Variants in CRACD observed in about 807,000 individuals in gnomAD.
CRACD encodes capping protein-inhibiting regulator of actin dynamics.
Under a neutral mutation model 106.8 loss-of-function variants are expected in CRACD, and 56 were observed. The observed-to-expected ratio is 0.52, with a 90% CI of 0.42 to 0.66. The LOEUF (loss-of-function observed/expected upper bound fraction) is 0.66, where lower values mean the gene tolerates loss of function less well. Among genes scored for constraint, CRACD ranks in the 30% least tolerant of loss-of-function variants. CRACD has a pLI of 0.00. For missense variants in CRACD, 1,730 were observed against 1,623.2 expected (o/e 1.07, Z -1.13); for synonymous variants, 754 against 670.8 (o/e 1.12, Z -1.92).
intron 1 of CRACD, among the ~76,000 whole-genome samples, chr4:56,116,482 T>C (rs1044194696): frequency 2.0e-5 from 3 of 152,192 alleles, no homozygotes; most frequent in African/African-American, 7.2e-5. Context: ...CCATGATGAT[T>C]ATATAGAACA....
intron 2 of CRACD, among the ~76,000 whole-genome samples, chr4:56,243,775 A>C (rs933502831): frequency 6.6e-6 from 1 of 152,220 alleles, no homozygotes; most frequent in Non-Finnish European, 1.5e-5. Context: ...AGTTACAAAC[A>C]ATCCAATTAC....
intron 2 of CRACD, among the ~76,000 whole-genome samples, chr4:56,237,017 G>A (rs771104750): frequency 2.6e-5 from 4 of 151,984 alleles, no homozygotes; most frequent in Non-Finnish European, 5.9e-5. Flanking sequence ...AATTCACACC[G>A]ACCCAGCAAT....
intron 1 of CRACD, among the ~76,000 whole-genome samples, chr4:56,082,873 A>G (rs1733083040): frequency 6.6e-6 from 1 of 152,180 alleles, no homozygotes; most frequent in South Asian, 2.1e-4. Context: ...TTGTTTCCAT[A>G]AGAAGGGCCC....
chr4:56,227,246 A>G (rs770194311), intron 2 of CRACD, among the ~76,000 whole-genome samples: 2 of 152,186 alleles, frequency 1.3e-5, no homozygotes, highest in Non-Finnish European at 2.9e-5. Flanking sequence ...ACTATTATAT[A>G]AAGAACTCAT....
intron 3 of CRACD, among the ~76,000 whole-genome samples, chr4:56,287,983 A>G (rs1247044677): frequency 6.6e-6 from 1 of 152,156 alleles, no homozygotes; most frequent in Admixed American, 6.5e-5. Context: ...CAAAGCCTCT[A>G]GTCTGTAGCT....
At chr4:56,083,029 A>G (rs1051419482) in intron 1 of CRACD, among the ~76,000 whole-genome samples, 1 of 152,182 alleles carries the variant, frequency 6.6e-6, no homozygotes, top group Non-Finnish European at 1.5e-5. Flanking sequence ...AATTAGAGAG[A>G]GAAGGGGCAA....
intron 2 of CRACD, among the ~76,000 whole-genome samples, chr4:56,208,191 C>T (rs1256152069): frequency 1.3e-5 from 2 of 151,950 alleles, no homozygotes; most frequent in African/African-American, 2.4e-5. Flanking sequence ...GAGAAGCTTC[C>T]CTGGTTAACT....
At chr4:56,213,760 A>G (rs542980149) in intron 2 of CRACD, among the ~76,000 whole-genome samples, 171 of 152,370 alleles carry the variant, frequency 1.1e-3, no homozygotes, top group Middle Eastern at 3.4e-3. Flanking sequence ...TGATTGGCCA[A>G]TACTTGGTGA....
intron 1 of CRACD, among the ~76,000 whole-genome samples, chr4:56,088,710 AC>A (rs1194252553): frequency 1.3e-5 from 2 of 151,544 alleles, no homozygotes; most frequent in Non-Finnish European, 2.9e-5. Flanking sequence ...GAATAATTGA[AC>A]AAATTATATA....
At chr4:56,287,278 C>CTG (rs66663314) in intron 3 of CRACD, among the ~76,000 whole-genome samples, 19 of 77,352 alleles carry the variant, frequency 2.5e-4, no homozygotes, top group Non-Finnish European at 5.8e-4. Context: ...ATGTGCAGCA[C>CTG]TATACTTGGC....
At chr4:56,228,345 A>G (rs1012139074) in intron 2 of CRACD, among the ~76,000 whole-genome samples, 1 of 152,206 alleles carries the variant, frequency 6.6e-6, no homozygotes, top group Non-Finnish European at 1.5e-5. Flanking sequence ...CTTAACAACT[A>G]TGATTTACTG....
At chr4:56,132,971 T>A (rs544329548) in intron 1 of CRACD, among the ~76,000 whole-genome samples, 133 of 152,236 alleles carry the variant, frequency 8.7e-4, no homozygotes, top group Non-Finnish European at 6.3e-4. Flanking sequence ...CAATTTCTGT[T>A]GTGCTGGACA....
At chr4:56,212,156 C>T (rs753059289) in intron 2 of CRACD, among the ~76,000 whole-genome samples, 1 of 152,202 alleles carries the variant, frequency 6.6e-6, no homozygotes, top group Non-Finnish European at 1.5e-5. Flanking sequence ...CACTTCTGGT[C>T]ATCCTCACTG....
Position 56,315,679 on chromosome 4 carries a change from A to G in CRACD, c.2177A>G (p.Gln726Arg). 1 of 1,614,228 alleles carries G rather than the reference A, an allele frequency of 6.2e-7. No individual in the cohort carries two copies. Among genetic ancestry groups the G allele is most frequent in the South Asian group, 1.1e-5 (1 of 91,090 alleles). Residue 726 changes from glutamine (Q) to arginine (R), a missense_variant, in exon 8 of 11, where the codon CAG becomes CGG. Around this residue, in one of 5 missense-constraint regions of CRACD, gnomAD observed 1,620 missense variants for 1,481.6 expected, o/e 1.09. Coordinates refer to ENST00000682029, the MANE Select transcript of CRACD (RefSeq NM_001393381.1). The surrounding 1 kb of genome is among the most constrained non-coding windows in gnomAD (Gnocchi z 4.1). ...AAGTTCTCTATTATGCCTGCCTGGCAGAAATTTTCCGATGGTGGCACGGAG... is the reference window on the plus strand; with the variant it reads ...AAGTTCTCTATTATGCCTGCCTGGCGGAAATTTTCCGATGGTGGCACGGAG... ...NAKFSIMPAW[Q>R]KFSDGGTETS...
At chr4:56,085,470 G>C (rs2109813235) in intron 1 of CRACD, among the ~76,000 whole-genome samples, 1 of 152,242 alleles carries the variant, frequency 6.6e-6, no homozygotes, top group East Asian at 1.9e-4. Flanking sequence ...CTCTGCTGCT[G>C]AATAGCTCTG....
chr4:56,151,984 G>T (rs1458774781), intron 1 of CRACD, among the ~76,000 whole-genome samples: 1 of 151,370 alleles, frequency 6.6e-6, no homozygotes, highest in Non-Finnish European at 1.5e-5. Flanking sequence ...GGTGACTGCT[G>T]GGCTTTGGCA....
chr4:56,243,222 C>G (rs575546271), intron 2 of CRACD, among the ~76,000 whole-genome samples: 1 of 152,312 alleles, frequency 6.6e-6, no homozygotes, highest in African/African-American at 2.4e-5. Flanking sequence ...TTGTCCTTGT[C>G]TTTCTCTCGC....
rs925494279 is a variant in CRACD at position 56,313,104 on chromosome 4, G to A, written c.355-93G>A. 6.6e-5 allele frequency: 75 copies of A among 1,132,282 alleles called. No individual in the cohort carries two copies. In the Middle Eastern group the frequency reaches 9.3e-4, roughly 14 times the overall value. The allele number at this position is 1,132,282 out of a possible 1,614,324, so 70.1% of individuals were successfully genotyped here. Reference sequence around the variant, plus strand: ...CTGCATTCCCTGGGCCAGGCTGGGCGAGGCGCACACTGGAACGAGTGCCAC... The same window carrying A: ...CTGCATTCCCTGGGCCAGGCTGGGCAAGGCGCACACTGGAACGAGTGCCAC... On this transcript the variant is annotated intron_variant, in intron 6 of 10. Coordinates refer to ENST00000682029, the MANE Select transcript of CRACD (RefSeq NM_001393381.1).
intron 1 of CRACD, among the ~76,000 whole-genome samples, chr4:56,066,862 A>G (rs1046188284): frequency 6.6e-6 from 1 of 152,182 alleles, no homozygotes; most frequent in Non-Finnish European, 1.5e-5. Flanking sequence ...TTCATGGGGT[A>G]GGTGGGTATT....
Sources: gnomAD v4.1 joint callset for allele counts (sites outside exome capture counted in the v4.1 genomes callset) on GRCh38, gnomAD v4.1.1 for gene constraint, gnomAD v4.1.1 regional missense constraint, Gnocchi (gnomAD v3.1) non-coding constraint, MANE v1.5 for transcripts, NCBI Gene and HGNC (gene_info 2026-07-23, HGNC 2026-07-21) for gene names.